The following LSAMP variants were observed in gnomAD, a reference collection of about 807,000 sequenced individuals.
The protein encoded by LSAMP is limbic system associated membrane protein, also known as limbic system-associated membrane protein.
In LSAMP, 7 loss-of-function variants were observed where a neutral mutation model predicts 38.6. That is an observed-to-expected ratio of 0.18 (90% confidence interval 0.10 to 0.34). The LOEUF (loss-of-function observed/expected upper bound fraction) is 0.34. Among genes scored for constraint, LSAMP ranks in the 10% least tolerant of loss-of-function variants. The probability of loss-of-function intolerance (pLI) is 1.00; values close to 1 mark genes in which losing one functional copy is unlikely to be tolerated. For synonymous variants in LSAMP, 154 were observed against 166.8 expected (o/e 0.92, Z 0.59); for missense variants, 313 against 420.0 (o/e 0.75, Z 2.23).
intron 1 of LSAMP, among the ~76,000 whole-genome samples, chr3:116,207,452 G>A (rs1417588928): frequency 7.4e-5 from 11 of 148,890 alleles, no homozygotes; most frequent in Non-Finnish European, 1.5e-4. Flanking sequence ...TCATTATGAT[G>A]TTAGCTGGTG....
intron 3 of LSAMP, among the ~76,000 whole-genome samples, chr3:115,922,773 C>A (rs1309663909): frequency 6.6e-6 from 1 of 152,036 alleles, no homozygotes; most frequent in Non-Finnish European, 1.5e-5. Flanking sequence ...TGCCACTTCT[C>A]TGTGCTTGTG....
intron 1 of LSAMP, among the ~76,000 whole-genome samples, chr3:116,246,193 T>A (rs2046603492): frequency 6.6e-6 from 1 of 152,184 alleles, no homozygotes. Flanking sequence ...GTTTCAAGCC[T>A]TCAATAGTTC....
intron 6 of LSAMP, among the ~76,000 whole-genome samples, chr3:115,838,956 C>T (rs760897671): frequency 6.6e-6 from 1 of 152,178 alleles, no homozygotes; most frequent in Non-Finnish European, 1.5e-5. Context: ...CTGCCGCTGG[C>T]TGGCAGAGGC....
At position 115,804,497 on chromosome 3, in the gene LSAMP, T is replaced by C. The variant is rs9818032; in HGVS notation, c.*5820A>G. 6.6e-6 allele frequency: 1 copy of C among 152,134 alleles called. No individual in the cohort carries two copies. The highest frequency in any genetic ancestry group is 1.5e-5 in the Non-Finnish European group (1 of 68,020). The allele number at this position is 152,134 out of a possible 1,614,324, so 9.4% of individuals were successfully genotyped here. A position where few individuals can be genotyped will look rare whatever the true frequency, so the allele number is the denominator to read the frequency against. ...CTACCTCACTTTAAAGTTGTCAGTTTATCTTAGATGATGAGGAAGCAGTAC... is the reference window on the plus strand; with the variant it reads ...CTACCTCACTTTAAAGTTGTCAGTTCATCTTAGATGATGAGGAAGCAGTAC... On this transcript the variant is annotated 3_prime_UTR_variant, in exon 7 of 7. Coordinates refer to ENST00000490035, the MANE Select transcript of LSAMP (RefSeq NM_002338.5).
At chr3:116,089,568 A>C (rs1476304521) in intron 1 of LSAMP, among the ~76,000 whole-genome samples, 1 of 152,142 alleles carries the variant, frequency 6.6e-6, no homozygotes, top group East Asian at 1.9e-4. Context: ...CGTGTTAGCC[A>C]GGATGGTCTC....
intron 1 of LSAMP, among the ~76,000 whole-genome samples, chr3:116,382,892 T>A (rs553814973): frequency 3.3e-5 from 5 of 152,074 alleles, no homozygotes; most frequent in Admixed American, 3.3e-4. Context: ...ATATCTTCTG[T>A]AAACACACAC....
intron 3 of LSAMP, among the ~76,000 whole-genome samples, chr3:115,980,376 A>G (rs1315720908): frequency 6.6e-6 from 1 of 152,100 alleles, no homozygotes; most frequent in Admixed American, 6.6e-5. Context: ...AATAGATACT[A>G]TTTTCCAACT....
chr3:116,166,078 A>G (rs974019038), intron 1 of LSAMP, among the ~76,000 whole-genome samples: 2 of 152,216 alleles, frequency 1.3e-5, no homozygotes, highest in Middle Eastern at 3.2e-3. Flanking sequence ...TCCCCTATTC[A>G]GCCCCAGTGA....
At chr3:115,973,316 G>A (rs1939076478) in intron 3 of LSAMP, among the ~76,000 whole-genome samples, 1 of 152,124 alleles carries the variant, frequency 6.6e-6, no homozygotes, top group South Asian at 2.1e-4. Flanking sequence ...CAGGTTGAGT[G>A]TCTCTTATTC....
chr3:116,248,523 G>A (rs1374649770), intron 1 of LSAMP, among the ~76,000 whole-genome samples: 1 of 143,536 alleles, frequency 7.0e-6, no homozygotes, highest in Non-Finnish European at 1.5e-5. Flanking sequence ...GTGTGTGTGT[G>A]TGTGTGTGTG....
intron 1 of LSAMP, among the ~76,000 whole-genome samples, chr3:116,363,793 C>T (rs2048318846): frequency 6.7e-6 from 1 of 149,978 alleles, no homozygotes; most frequent in African/African-American, 2.5e-5. Context: ...CAGAAAAGGC[C>T]TTTGAAAAAA....
chr3:116,160,535 AAAG>A (rs1709864236), intron 1 of LSAMP, among the ~76,000 whole-genome samples: 1 of 151,992 alleles, frequency 6.6e-6, no homozygotes, highest in Non-Finnish European at 1.5e-5. Context: ...AAGGAAAAGA[AAAG>A]AAAAGAAAAG....
chr3:116,177,620 T>C (rs1710380992), intron 1 of LSAMP, among the ~76,000 whole-genome samples: 1 of 152,226 alleles, frequency 6.6e-6, no homozygotes, highest in African/African-American at 2.4e-5. Flanking sequence ...ATAATTCTTT[T>C]AAAATTATCC....
chr3:115,997,978 G>A (rs1204163123), intron 3 of LSAMP, among the ~76,000 whole-genome samples: 15 of 146,678 alleles, frequency 1.0e-4, no homozygotes, highest in South Asian at 8.5e-4. Flanking sequence ...TCTATATATC[G>A]TGTGTGTGAT....
chr3:116,041,811 CAAAACAAA>C (rs1218615755), intron 2 of LSAMP, among the ~76,000 whole-genome samples: 56 of 89,408 alleles, frequency 6.3e-4, no homozygotes, highest in Non-Finnish European at 9.9e-4. Flanking sequence ...AAAAACAAAA[CAAAACAAA>C]AAAAAAACAC....
intron 1 of LSAMP, among the ~76,000 whole-genome samples, chr3:116,389,426 A>C (rs1328177271): frequency 2.0e-5 from 3 of 152,142 alleles, no homozygotes; most frequent in Non-Finnish European, 4.4e-5. Context: ...TATTGCAATC[A>C]TTTTTATATC....
At chr3:116,355,264 G>A (rs2048206000) in intron 1 of LSAMP, among the ~76,000 whole-genome samples, 1 of 152,034 alleles carries the variant, frequency 6.6e-6, no homozygotes, top group East Asian at 1.9e-4. Flanking sequence ...AAATAAGCAT[G>A]CCTGCTGATT....
At chr3:115,815,072 C>T (rs1933972250) in intron 6 of LSAMP, among the ~76,000 whole-genome samples, 1 of 152,098 alleles carries the variant, frequency 6.6e-6, no homozygotes. Context: ...CGGTAGTCCC[C>T]CCTTATCAGT....
At chr3:115,970,626 T>A (rs1938986245) in intron 3 of LSAMP, among the ~76,000 whole-genome samples, 1 of 152,178 alleles carries the variant, frequency 6.6e-6, no homozygotes, top group Non-Finnish European at 1.5e-5. Flanking sequence ...AGTTCTTGCT[T>A]AGACTTATTA....
Sources: gnomAD v4.1 joint callset for allele counts (sites outside exome capture counted in the v4.1 genomes callset) on GRCh38, gnomAD v4.1.1 for gene constraint, MANE v1.5 for transcripts, NCBI Gene and HGNC (gene_info 2026-07-23, HGNC 2026-07-21) for gene names.